Variants in CELF4 observed in about 807,000 individuals in gnomAD.
The protein encoded by CELF4 is CUGBP Elav-like family member 4.
Under a neutral mutation model 59.9 loss-of-function variants are expected in CELF4, and 18 were observed. The observed-to-expected ratio is 0.30, with a 90% confidence interval of 0.21 to 0.45. The LOEUF (loss-of-function observed/expected upper bound fraction) is 0.45, where lower values mean the gene tolerates loss of function less well. CELF4 is among the 20% of genes least tolerant of loss of function. The pLI, the probability that CELF4 is intolerant of heterozygous loss-of-function variation, is 1.00. For synonymous variants in CELF4, 261 were observed against 267.1 expected (o/e 0.98, Z 0.22); for missense variants, 456 against 689.0 (o/e 0.66, Z 3.79).
chr18:37,388,484 C>G (rs1039154116), intron 2 of CELF4, among the ~76,000 whole-genome samples: 1 of 151,770 alleles, frequency 6.6e-6, no homozygotes, highest in African/African-American at 2.4e-5. Flanking sequence ...TCCCATCCTC[C>G]TCCTCTTCCT....
intron 2 of CELF4, among the ~76,000 whole-genome samples, chr18:37,363,258 C>T (rs1260270473): frequency 4.6e-5 from 7 of 152,148 alleles, no homozygotes; most frequent in African/African-American, 1.2e-4. Flanking sequence ...AGTAGCCTCC[C>T]GACAAAGGAA....
chr18:37,565,170 C>G (rs2099987840), intron 1 of CELF4, among the ~76,000 whole-genome samples, 186 bp downstream of exon 1: 1 of 152,156 alleles, frequency 6.6e-6, no homozygotes, highest in Non-Finnish European at 1.5e-5. Context: ...AAAACCCAGT[C>G]TTGCCCCAGC....
chr18:37,505,592 C>T (rs2099936870), intron 1 of CELF4, among the ~76,000 whole-genome samples: 1 of 152,148 alleles, frequency 6.6e-6, no homozygotes, highest in African/African-American at 2.4e-5. Context: ...GGGGAATCCT[C>T]CCCAGCCTTT....
intron 2 of CELF4, among the ~76,000 whole-genome samples, chr18:37,348,920 C>A (rs2098370087): frequency 1.3e-5 from 2 of 152,124 alleles, no homozygotes; most frequent in South Asian, 4.1e-4. Flanking sequence ...ACTGGGGGGT[C>A]TCTCTCCCCT....
At chr18:37,286,399 G>T (rs2094772929) in intron 3 of CELF4, among the ~76,000 whole-genome samples, 2 of 152,168 alleles carry the variant, frequency 1.3e-5, no homozygotes, top group Non-Finnish European at 2.9e-5. Context: ...TTAGCCACAG[G>T]CTGACCCTTA....
At chr18:37,251,170 T>C (rs981575060) in intron 12 of CELF4, among the ~76,000 whole-genome samples, 1 of 152,106 alleles carries the variant, frequency 6.6e-6, no homozygotes, top group African/African-American at 2.4e-5. Context: ...ACCTACCTTA[T>C]AGGTAGTTGT....
chr18:37,472,744 C>T lies in CELF4; in HGVS notation c.369+12781G>A, dbSNP rs531436075. ...CTGCCCAGCGGCATGGAGGGTTTCG[C>T]CTCTAAGGCCTGAAGGTCTTCAGAG... On this transcript the variant is annotated intron_variant, in intron 2 of 12. Transcript: ENST00000420428. Among the ~76,000 whole-genome samples, 108 of 152,212 alleles carry T rather than the reference C, an allele frequency of 7.1e-4. 1 individual carries two copies. The highest frequency in any genetic ancestry group is 2.2e-3 in the African/African-American group (93 of 41,524).
intron 1 of CELF4, among the ~76,000 whole-genome samples, chr18:37,531,934 C>T (rs2099969931): frequency 6.6e-6 from 1 of 152,216 alleles, no homozygotes; most frequent in Admixed American, 6.5e-5. Flanking sequence ...TGGTCTCAAT[C>T]TCTGGTCTGT....
intron 2 of CELF4, among the ~76,000 whole-genome samples, chr18:37,412,236 G>A (rs865933912): frequency 2.6e-5 from 4 of 152,208 alleles, no homozygotes; most frequent in African/African-American, 7.2e-5. Flanking sequence ...GCCCAGAGAC[G>A]GAGACTGCTT....
chr18:37,414,784 A>G (rs575544314), intron 2 of CELF4, among the ~76,000 whole-genome samples: 427 of 152,050 alleles, frequency 2.8e-3, no homozygotes, highest in Non-Finnish European at 5.2e-3. Context: ...GGTGTGAGCC[A>G]CAAAGCCCGG....
intron 2 of CELF4, among the ~76,000 whole-genome samples, chr18:37,447,376 A>G (rs772416684): frequency 6.6e-6 from 1 of 152,222 alleles, no homozygotes; most frequent in Non-Finnish European, 1.5e-5. Flanking sequence ...AGGTGTCACT[A>G]CAGACACTGC....
chr18:37,447,558 C>T (rs1045135655), intron 2 of CELF4, among the ~76,000 whole-genome samples: 5 of 152,180 alleles, frequency 3.3e-5, no homozygotes, highest in African/African-American at 9.7e-5. Flanking sequence ...TGTGCAGGCT[C>T]GCTCCCCAGC....
chr18:37,289,362 G>A (rs902164884), intron 3 of CELF4, among the ~76,000 whole-genome samples: 3 of 152,004 alleles, frequency 2.0e-5, no homozygotes, highest in East Asian at 1.9e-4. Context: ...AAAGAGCTTC[G>A]TTACTCAGCT....
At chr18:37,510,226 C>T (rs1406278857) in intron 1 of CELF4, among the ~76,000 whole-genome samples, 17 of 152,202 alleles carry the variant, frequency 1.1e-4, no homozygotes, top group Non-Finnish European at 4.4e-5. Flanking sequence ...CTTTACCCTC[C>T]TCCTGCCCCA....
intron 2 of CELF4, among the ~76,000 whole-genome samples, chr18:37,343,049 G>T (rs2098115661): frequency 6.6e-6 from 1 of 152,184 alleles, no homozygotes; most frequent in African/African-American, 2.4e-5. Context: ...TGTGGGAGCT[G>T]GAAGGGTGTG....
chr18:37,541,774 G>A (rs980853954), intron 1 of CELF4, among the ~76,000 whole-genome samples: 7 of 151,822 alleles, frequency 4.6e-5, no homozygotes, highest in African/African-American at 1.7e-4. Flanking sequence ...TCTGCTGGAA[G>A]TGCTTTCTCC....
intron 3 of CELF4, among the ~76,000 whole-genome samples, chr18:37,289,322 T>A (rs1787621): frequency 0.35 from 52,954 of 151,328 alleles, 11,421 homozygotes; most frequent in African/African-American, 0.59. Flanking sequence ...GGATGGAAAC[T>A]TGGGGATGGG....
chr18:37,341,728 C>T (rs2098047751), intron 2 of CELF4, among the ~76,000 whole-genome samples: 1 of 152,118 alleles, frequency 6.6e-6, no homozygotes, highest in Admixed American at 6.5e-5. Flanking sequence ...CCAGTGACCA[C>T]TTAGGTTCCT....
At chr18:37,502,422 G>A (rs2084391928) in intron 1 of CELF4, among the ~76,000 whole-genome samples, 1 of 152,118 alleles carries the variant, frequency 6.6e-6, no homozygotes, top group African/African-American at 2.4e-5. Context: ...AGGGAGAAAG[G>A]AGAGGGAGGG....
Sources: allele counts gnomAD v4.1 joint callset (sites outside exome capture counted in the v4.1 genomes callset), GRCh38; gene constraint gnomAD v4.1.1; transcripts MANE v1.5; gene names NCBI Gene and HGNC (gene_info 2026-07-23, HGNC 2026-07-21).